GPC5: variants seen among roughly 807,000 people sequenced by gnomAD.
GPC5 encodes the protein glypican-5.
A neutral mutation model predicts 53.9 loss-of-function variants in GPC5; 47 were observed. The ratio of observed to expected loss-of-function variants is 0.87; its 90% CI spans 0.69 to 1.11. The LOEUF (loss-of-function observed/expected upper bound fraction) is 1.11, where lower values mean the gene tolerates loss of function less well. Ranked by LOEUF, GPC5 falls within the 50% of genes most tolerant of loss-of-function variation. The pLI is 0.00. For missense variants in GPC5, 748 were observed against 713.1 expected (o/e 1.05, Z -0.56); for synonymous variants, 286 against 263.3 (o/e 1.09, Z -0.84).
chr13:92,140,538 A>G (rs1310365634), intron 6 of GPC5, among the ~76,000 whole-genome samples: 1 of 152,194 alleles, frequency 6.6e-6, no homozygotes, highest in African/African-American at 2.4e-5. Context: ...CGGCCATGGT[A>G]TGCATTTCTC....
chr13:91,510,836 A>G (rs939093301), intron 2 of GPC5, among the ~76,000 whole-genome samples: 12 of 152,034 alleles, frequency 7.9e-5, no homozygotes, highest in African/African-American at 2.9e-4. Flanking sequence ...CAGTTGTTTT[A>G]TTAACTAATT....
intron 7 of GPC5, among the ~76,000 whole-genome samples, chr13:92,441,097 A>C (rs1877536325): frequency 6.6e-6 from 1 of 152,106 alleles, no homozygotes; most frequent in African/African-American, 2.4e-5. Flanking sequence ...TTTGAGACAA[A>C]GTCTCATTTT....
intron 7 of GPC5, among the ~76,000 whole-genome samples, chr13:92,392,277 A>G (rs1875040944): frequency 6.6e-6 from 1 of 152,148 alleles, no homozygotes; most frequent in South Asian, 2.1e-4. Context: ...TTGATGATAT[A>G]ATGCTGTTTT....
chr13:92,440,199 C>A (rs1292266259), intron 7 of GPC5, among the ~76,000 whole-genome samples: 7 of 152,194 alleles, frequency 4.6e-5, no homozygotes, highest in African/African-American at 1.7e-4. Flanking sequence ...TAACCCATTC[C>A]CCATGTACTG....
intron 7 of GPC5, among the ~76,000 whole-genome samples, chr13:92,429,430 A>G (rs1876986226): frequency 6.6e-6 from 1 of 151,764 alleles, no homozygotes; most frequent in African/African-American, 2.4e-5. Context: ...TAATATACTA[A>G]TTTAAAAAAC....
At chr13:91,721,142 T>G in intron 3 of GPC5, among the ~76,000 whole-genome samples, 1 of 144,612 alleles carries the variant, frequency 6.9e-6, no homozygotes, top group Non-Finnish European at 1.5e-5. Flanking sequence ...TCTTTCTTTT[T>G]TTGGGTGGGG....
intron 7 of GPC5, among the ~76,000 whole-genome samples, chr13:92,311,865 G>A (rs2043147214): frequency 6.6e-6 from 1 of 152,120 alleles, no homozygotes; most frequent in South Asian, 2.1e-4. Context: ...ACCTTTGGCT[G>A]ATGTCTGTAG....
intron 7 of GPC5, among the ~76,000 whole-genome samples, chr13:92,350,117 A>C (rs2043463308): frequency 2.6e-5 from 4 of 152,210 alleles, no homozygotes; most frequent in Admixed American, 2.6e-4. Context: ...CATTAACAGA[A>C]TGAAAGACAA....
At chr13:92,385,495 T>C (rs1361258372) in intron 7 of GPC5, among the ~76,000 whole-genome samples, 3 of 141,278 alleles carry the variant, frequency 2.1e-5, no homozygotes, top group Admixed American at 7.4e-5. Flanking sequence ...TACACATATA[T>C]ACATACATAT....
intron 7 of GPC5, among the ~76,000 whole-genome samples, chr13:92,526,686 A>G (rs1311811944): frequency 6.6e-6 from 1 of 152,014 alleles, no homozygotes; most frequent in East Asian, 1.9e-4. Context: ...GAAACAGGAA[A>G]ACCAATTAGA....
chr13:92,675,324 A>G (rs1481793779), intron 7 of GPC5, among the ~76,000 whole-genome samples: 2 of 152,128 alleles, frequency 1.3e-5, no homozygotes, highest in East Asian at 3.9e-4. Context: ...TTTCCTCAAC[A>G]CTTAATCCCT....
At chr13:92,407,288 C>T (rs1327667899) in intron 7 of GPC5, among the ~76,000 whole-genome samples, 2 of 152,142 alleles carry the variant, frequency 1.3e-5, no homozygotes, top group Non-Finnish European at 1.5e-5. Context: ...CTTTTAATGA[C>T]TTCTTTGAAT....
intron 7 of GPC5, among the ~76,000 whole-genome samples, chr13:92,519,923 G>T (rs539832139): frequency 6.6e-6 from 1 of 151,762 alleles, no homozygotes; most frequent in Non-Finnish European, 1.5e-5. Context: ...TCAAATAGAC[G>T]CAATAAAAAA....
chr13:92,840,091 A>ATG, intron 7 of GPC5, among the ~76,000 whole-genome samples: 1 of 48,118 alleles, frequency 2.1e-5, no homozygotes, highest in African/African-American at 9.0e-5. Context: ...ATATATATAT[A>ATG]TATATATATA....
At chr13:91,875,763 A>G (rs1265927299) in intron 5 of GPC5, among the ~76,000 whole-genome samples, 3 of 152,240 alleles carry the variant, frequency 2.0e-5, no homozygotes, top group Non-Finnish European at 4.4e-5. Context: ...ATTTCAAGCA[A>G]AATACAGAGG....
At chr13:92,060,961 C>A (rs2041117903) in intron 6 of GPC5, among the ~76,000 whole-genome samples, 1 of 151,956 alleles carries the variant, frequency 6.6e-6, no homozygotes, top group Admixed American at 6.6e-5. Context: ...AAACCACAAA[C>A]TTGAGGCTAC....
chr13:92,265,887 G>A (rs2042799217), intron 7 of GPC5, among the ~76,000 whole-genome samples: 1 of 152,126 alleles, frequency 6.6e-6, no homozygotes, highest in Admixed American at 6.5e-5. Flanking sequence ...AAGATCAAGG[G>A]GCCAGCACCT....
chr13:92,176,766 A>C (rs1251552107), intron 7 of GPC5, among the ~76,000 whole-genome samples: 1 of 152,090 alleles, frequency 6.6e-6, no homozygotes, highest in Non-Finnish European at 1.5e-5. Context: ...AGCACTTCTC[A>C]GCCCCTAGTT....
intron 5 of GPC5, among the ~76,000 whole-genome samples, chr13:91,907,192 G>T (rs191071927): frequency 1.6e-4 from 24 of 148,946 alleles, no homozygotes; most frequent in African/African-American, 5.4e-4. Flanking sequence ...GATGTATACT[G>T]CCAAATCCCT....
Sources: gnomAD v4.1 joint callset for allele counts (sites outside exome capture counted in the v4.1 genomes callset) on GRCh38, gnomAD v4.1.1 for gene constraint, MANE v1.5 for transcripts, NCBI Gene and HGNC (gene_info 2026-07-23, HGNC 2026-07-21) for gene names.